UNC13A: variants seen among roughly 807,000 people sequenced by gnomAD.
UNC13A encodes the protein unc-13 homolog A, also known as protein unc-13 homolog A.
A neutral mutation model predicts 219.7 loss-of-function variants in UNC13A; 61 were observed. The observed-to-expected ratio is 0.28, with a 90% CI of 0.23 to 0.34. The LOEUF (loss-of-function observed/expected upper bound fraction) is 0.34. UNC13A is among the 10% of genes least tolerant of loss of function. The pLI, the probability that UNC13A is intolerant of heterozygous loss-of-function variation, is 1.00. For missense variants in UNC13A, 1,476 were observed against 2,270.3 expected, an observed-to-expected ratio of 0.65 and a Z score of 7.11; for synonymous variants, 920 against 884.6, an observed-to-expected ratio of 1.04 and a Z score of -0.71.
chr19:17,620,603 G>C, intron 38 of UNC13A, 90 bp downstream of exon 38: 3 of 1,292,502 alleles, frequency 2.3e-6, no homozygotes, highest in Non-Finnish European at 3.2e-6. Flanking sequence ...GCCCTCGGAC[G>C]GCACGAACCA....
intron 21 of UNC13A, 41 bp downstream of exon 21, chr19:17,641,352 G>A (rs748050815): frequency 1.9e-6 from 3 of 1,599,946 alleles, no homozygotes; most frequent in East Asian, 2.2e-5. Context: ...CCCACTTGGT[G>A]ACCTCCCTCT....
At chr19:17,651,673 C>T (rs749531142) in intron 12 of UNC13A, among the ~76,000 whole-genome samples, 7 of 152,174 alleles carry the variant, frequency 4.6e-5, no homozygotes, top group Non-Finnish European at 7.3e-5. Context: ...TCGGCAGCCT[C>T]CCCTTGTCTG....
In UNC13A at chr19:17,629,268, G is replaced by T. The variant is rs564163574; in HGVS notation, c.3725C>A (p.Ser1242Tyr). The T allele has an allele frequency of 6.2e-7, 1 of 1,612,026 alleles. No individual in the cohort carries two copies. Among genetic ancestry groups the T allele is most frequent in the Non-Finnish European group, 8.5e-7 (1 of 1,179,300 alleles). The change falls in exon 31 of 44, where the codon TCC (serine) becomes TAC (tyrosine). Residue 1242 changes from serine (S) to tyrosine (Y), a missense_variant. By Grantham distance (144) the Ser-to-Tyr change is moderately radical. This residue lies in a region of UNC13A where 218 missense variants were observed against 409.4 expected (regional missense o/e 0.53). Coordinates refer to ENST00000519716, the MANE Select transcript of UNC13A (RefSeq NM_001080421.3). ...TTTCTCCTTCTCCTTGGAGCAGTAG[G>T]AGGCAAAGTCCTTGGAGATGATGTC... Reference protein sequence around the residue: ...YADIISKDFASYCSKEKEKVP... With the variant: ...YADIISKDFAYYCSKEKEKVP...
At chr19:17,668,260 A>G in intron 5 of UNC13A, 70 bp from the exon 6 acceptor site, 1 of 1,487,096 alleles carries the variant, frequency 6.7e-7, no homozygotes, top group South Asian at 1.2e-5. Context: ...CTCCAGGCCT[A>G]CTGAGCTCCA....
chr19:17,673,214 G>A (rs1388841939), intron 3 of UNC13A, among the ~76,000 whole-genome samples: 3 of 151,440 alleles, frequency 2.0e-5, no homozygotes, highest in Non-Finnish European at 2.9e-5. Flanking sequence ...AAAATTAGCC[G>A]GGCGTGGTGG....
At chr19:17,665,814 T>G (rs1393752894) in intron 7 of UNC13A, among the ~76,000 whole-genome samples, 1 of 152,194 alleles carries the variant, frequency 6.6e-6, no homozygotes, top group Non-Finnish European at 1.5e-5. Flanking sequence ...ATCTGATGAA[T>G]GGAAGTGAAG....
chr19:17,656,474 G>A, intron 9 of UNC13A, 76 bp from the exon 10 acceptor site: 1 of 1,367,508 alleles, frequency 7.3e-7, no homozygotes, highest in Non-Finnish European at 9.7e-7. Context: ...CACAGGCATT[G>A]ACTCATCACC....
chr19:17,670,613 A>T (rs1421430900), intron 4 of UNC13A, among the ~76,000 whole-genome samples: 1 of 151,872 alleles, frequency 6.6e-6, no homozygotes, highest in East Asian at 1.9e-4. Context: ...TCAAAAACAA[A>T]CACTCACTGG....
intron 25 of UNC13A, 53 bp downstream of exon 25, chr19:17,639,030 A>C (rs2076939896): frequency 6.6e-7 from 1 of 1,523,380 alleles, no homozygotes; most frequent in South Asian, 1.3e-5. Flanking sequence ...CTGGGACTGA[A>C]GCCTGTGTCT....
intron 1 of UNC13A, among the ~76,000 whole-genome samples, chr19:17,680,578 T>C (rs1054397862): frequency 3.9e-4 from 59 of 152,224 alleles, no homozygotes; most frequent in African/African-American, 9.9e-4. Flanking sequence ...GAGTTCAGGC[T>C]GCGGGACACC....
chr19:17,676,200 TAAAA>T (rs754598572), intron 1 of UNC13A, 159 bp from the exon 2 acceptor site: 2 of 811,038 alleles, frequency 2.5e-6, no homozygotes. Flanking sequence ...AGACAGATGT[TAAAA>T]AAGAAAGATA....
intron 26 of UNC13A, among the ~76,000 whole-genome samples, chr19:17,633,524 A>C (rs1260129838): frequency 6.6e-6 from 1 of 151,710 alleles, no homozygotes; most frequent in African/African-American, 2.4e-5. Context: ...CCACCCATCC[A>C]TGTACCCATC....
At chr19:17,656,965 G>A (rs930911541) in intron 9 of UNC13A, among the ~76,000 whole-genome samples, 1 of 151,504 alleles carries the variant, frequency 6.6e-6, no homozygotes, top group African/African-American at 2.4e-5. Context: ...CCACAGCCCC[G>A]CAGCAGGTCT....
At position 17,656,039 on chromosome 19, in the gene UNC13A, C is replaced by A; in HGVS notation, c.1127G>T (p.Ser376Ile). The stretch of plus-strand genomic sequence containing the variant: ...CTTCCCTGGGGCAGCTGGCGGGAGG[C>A]TGATGCGTTTGAAGTCTTTGGGCTC... ...VAEPKDFKRI[S>I]LPPAAPGKED... The change falls in exon 10 of 44, where the codon AGC becomes ATC. Residue 376 changes from serine to isoleucine, a missense_variant. By Grantham distance (142) the Ser-to-Ile change is moderately radical. Around this residue, in one of 14 missense-constraint regions of UNC13A, gnomAD observed 351 missense variants for 342.6 expected, o/e 1.02. Transcript: ENST00000519716. 6.4e-7 allele frequency: 1 copy of A among 1,563,522 alleles called. No homozygotes were observed.
intron 37 of UNC13A, 116 bp from the exon 38 acceptor site, chr19:17,620,838 C>G (rs2076722036): frequency 1.6e-6 from 2 of 1,228,356 alleles, no homozygotes; most frequent in South Asian, 2.6e-5. Flanking sequence ...AGCTCCTCCC[C>G]AGGTCCTGGG....
intron 8 of UNC13A, among the ~76,000 whole-genome samples, chr19:17,661,264 T>C (rs1034729931): frequency 2.6e-5 from 4 of 152,110 alleles, no homozygotes; most frequent in African/African-American, 7.2e-5. Context: ...CCAACTTGTT[T>C]TTGATAAATT....
chr19:17,629,171 G>C, intron 31 of UNC13A, 69 bp downstream of exon 31: 1 of 1,390,222 alleles, frequency 7.2e-7, no homozygotes, highest in South Asian at 1.2e-5. Context: ...GGGCCCTGGG[G>C]AGAAGGGAGT....
chr19:17,655,767 A>G, intron 10 of UNC13A, 116 bp downstream of exon 10: 3 of 1,422,664 alleles, frequency 2.1e-6, no homozygotes, highest in Non-Finnish European at 2.7e-6. Flanking sequence ...GAAACCCAAG[A>G]GCCTGTGACA....
chr19:17,635,900 C>G, intron 26 of UNC13A, 124 bp downstream of exon 26: 2 of 1,257,020 alleles, frequency 1.6e-6, no homozygotes, highest in Non-Finnish European at 2.2e-6. Context: ...ATAATCAGAC[C>G]CACAATTACC....
Sources: allele counts gnomAD v4.1 joint callset (sites outside exome capture counted in the v4.1 genomes callset), GRCh38; gene constraint gnomAD v4.1.1; regional missense constraint gnomAD v4.1.1; transcripts MANE v1.5; gene names NCBI Gene and HGNC (gene_info 2026-07-23, HGNC 2026-07-21).